Variants in EPHA6 observed in about 807,000 individuals in gnomAD.
EPHA6 encodes the protein ephrin type-A receptor 6.
In EPHA6, 50 loss-of-function variants were observed where a neutral mutation model predicts 112.0. The observed-to-expected ratio is 0.45, with a 90% CI of 0.36 to 0.56. EPHA6 has a LOEUF of 0.56. EPHA6 is among the 20% of genes least tolerant of loss of function. EPHA6 has a pLI of 0.00. For synonymous variants in EPHA6, 529 were observed against 490.7 expected (o/e 1.08, Z -1.03); for missense variants, 1,280 against 1,417.4 (o/e 0.90, Z 1.56).
At chr3:97,705,909 A>G (rs2033653253) in intron 14 of EPHA6, among the ~76,000 whole-genome samples, 1 of 152,158 alleles carries the variant, frequency 6.6e-6, no homozygotes, top group Admixed American at 6.5e-5. Context: ...CTGTCATGTT[A>G]TGCCACGCAG....
At chr3:97,524,368 A>G (rs1353025852) in intron 10 of EPHA6, among the ~76,000 whole-genome samples, 1 of 152,072 alleles carries the variant, frequency 6.6e-6, no homozygotes, top group Admixed American at 6.6e-5. Flanking sequence ...CTCTATGCTT[A>G]TATTTCTCCT....
chr3:97,068,995 C>T (rs952481586), intron 3 of EPHA6, among the ~76,000 whole-genome samples: 34 of 152,216 alleles, frequency 2.2e-4, no homozygotes, highest in African/African-American at 7.7e-4. Context: ...GTAAGGCGCA[C>T]GTGCGTATAC....
intron 3 of EPHA6, among the ~76,000 whole-genome samples, chr3:97,213,030 T>C (rs1245258059): frequency 6.6e-6 from 1 of 152,186 alleles, no homozygotes. Context: ...TTGGCCTAGT[T>C]CTTAAGTCTT....
At chr3:97,329,780 T>G (rs2082688181) in intron 5 of EPHA6, among the ~76,000 whole-genome samples, 2 of 152,194 alleles carry the variant, frequency 1.3e-5, no homozygotes, top group African/African-American at 4.8e-5. Flanking sequence ...CTGTTCACTC[T>G]GATGGTGGTT....
At chr3:97,288,522 T>C (rs1381781624) in intron 5 of EPHA6, among the ~76,000 whole-genome samples, 1 of 152,184 alleles carries the variant, frequency 6.6e-6, no homozygotes, top group Non-Finnish European at 1.5e-5. Flanking sequence ...TCTTGCAGTT[T>C]TGAATAGTGC....
chr3:96,880,430 T>C (rs1297737750), intron 2 of EPHA6, among the ~76,000 whole-genome samples: 1 of 152,182 alleles, frequency 6.6e-6, no homozygotes, highest in Non-Finnish European at 1.5e-5. Context: ...TACCTGTTCA[T>C]GTATTGGAAG....
chr3:97,126,823 A>T (rs1175732076), intron 3 of EPHA6, among the ~76,000 whole-genome samples: 1 of 151,754 alleles, frequency 6.6e-6, no homozygotes, highest in Non-Finnish European at 1.5e-5. Flanking sequence ...AAATGTCAAT[A>T]TTAGTTTATT....
intron 5 of EPHA6, among the ~76,000 whole-genome samples, chr3:97,300,314 C>T (rs1237645812): frequency 6.6e-6 from 1 of 152,164 alleles, no homozygotes; most frequent in Non-Finnish European, 1.5e-5. Context: ...CCACTGTGCA[C>T]TTCAATGATA....
intron 14 of EPHA6, among the ~76,000 whole-genome samples, chr3:97,695,821 G>A (rs906849764): frequency 3.9e-5 from 6 of 152,302 alleles, no homozygotes; most frequent in African/African-American, 1.2e-4. Flanking sequence ...TTACAGGCAT[G>A]AGCCATCATG....
intron 2 of EPHA6, among the ~76,000 whole-genome samples, chr3:96,960,022 C>A (rs1339835436): frequency 6.6e-6 from 1 of 151,960 alleles, no homozygotes; most frequent in Non-Finnish European, 1.5e-5. Context: ...TACAGAGAAC[C>A]TGGAACCTAA....
chr3:97,199,550 T>A (rs549471827), intron 3 of EPHA6, among the ~76,000 whole-genome samples: 1 of 152,162 alleles, frequency 6.6e-6, no homozygotes, highest in Non-Finnish European at 1.5e-5. Context: ...AAGACAGCAT[T>A]TCCTGACCGA....
intron 6 of EPHA6, among the ~76,000 whole-genome samples, chr3:97,413,502 A>G (rs2087882736): frequency 6.6e-6 from 1 of 152,052 alleles, no homozygotes; most frequent in African/African-American, 2.4e-5. Context: ...GAAAACAGGG[A>G]GTAAAGGAAA....
At chr3:96,999,457 T>G (rs554974678) in intron 3 of EPHA6, among the ~76,000 whole-genome samples, 1 of 152,030 alleles carries the variant, frequency 6.6e-6, no homozygotes, top group East Asian at 1.9e-4. Flanking sequence ...TAGAGCAGAC[T>G]TATGTCCTTC....
At chr3:97,512,606 C>T (rs2092384816) in intron 10 of EPHA6, among the ~76,000 whole-genome samples, 1 of 152,030 alleles carries the variant, frequency 6.6e-6, no homozygotes, top group African/African-American at 2.4e-5. Flanking sequence ...ATTCTGTCAC[C>T]CAGGCTAGAA....
intron 3 of EPHA6, among the ~76,000 whole-genome samples, chr3:97,220,148 TC>T (rs1236132900): frequency 6.6e-6 from 1 of 152,204 alleles, no homozygotes; most frequent in African/African-American, 2.4e-5. Context: ...GACTTAATTG[TC>T]CGTATCACTA....
At chr3:97,719,053 T>C (rs77324798) in intron 14 of EPHA6, among the ~76,000 whole-genome samples, 11,726 of 145,488 alleles carry the variant, frequency 0.081, 663 homozygotes, top group South Asian at 0.22. Context: ...ACCTAAATTG[T>C]TCCCATTTTG....
intron 3 of EPHA6, among the ~76,000 whole-genome samples, chr3:97,185,258 T>G (rs574980852): frequency 9.1e-4 from 139 of 152,188 alleles, no homozygotes; most frequent in Middle Eastern, 6.8e-3. Context: ...CAAAAGAAAC[T>G]ACCATCAGAG....
At chr3:97,202,144 G>A (rs2077591583) in intron 3 of EPHA6, among the ~76,000 whole-genome samples, 1 of 151,994 alleles carries the variant, frequency 6.6e-6, no homozygotes, top group Non-Finnish European at 1.5e-5. Flanking sequence ...TTGCCCCTCA[G>A]ATAGAACTCA....
chr3:97,053,099 A>C (rs949430621), intron 3 of EPHA6, among the ~76,000 whole-genome samples: 1 of 152,162 alleles, frequency 6.6e-6, no homozygotes, highest in Non-Finnish European at 1.5e-5. Flanking sequence ...TAAGCGACTT[A>C]TATAGGATAT....
Sources: allele counts gnomAD v4.1 joint callset (sites outside exome capture counted in the v4.1 genomes callset), GRCh38; gene constraint gnomAD v4.1.1; transcripts MANE v1.5; gene names NCBI Gene and HGNC (gene_info 2026-07-23, HGNC 2026-07-21).